Variants in EXOC6B observed in about 807,000 individuals in gnomAD.
EXOC6B encodes SEC15 homolog B.
In EXOC6B, 54 loss-of-function variants were observed where a neutral mutation model predicts 113.5. The ratio of observed to expected loss-of-function variants is 0.48; its 90% confidence interval spans 0.38 to 0.60. EXOC6B has a LOEUF of 0.60. Ranked by LOEUF, EXOC6B falls within the 20% of genes least tolerant of loss-of-function variation. EXOC6B has a pLI of 0.00. For missense variants in EXOC6B, 797 were observed against 977.5 expected, an observed-to-expected ratio of 0.82 and a Z score of 2.46; for synonymous variants, 357 against 339.0, an observed-to-expected ratio of 1.05 and a Z score of -0.58.
chr2:72,182,538 G>A (rs1231076490), intron 21 of EXOC6B, among the ~76,000 whole-genome samples: 1 of 152,118 alleles, frequency 6.6e-6, no homozygotes, highest in African/African-American at 2.4e-5. Context: ...CCAAGAGGTA[G>A]GGGAGGCTGC....
At chr2:72,638,046 C>T (rs2104321214) in intron 6 of EXOC6B, among the ~76,000 whole-genome samples, 1 of 151,766 alleles carries the variant, frequency 6.6e-6, no homozygotes, top group South Asian at 2.1e-4. Context: ...ACAAAGAAAA[C>T]AATACAAACA....
intron 20 of EXOC6B, among the ~76,000 whole-genome samples, chr2:72,199,745 G>A (rs542882834): frequency 1.3e-5 from 2 of 152,188 alleles, no homozygotes; most frequent in East Asian, 1.9e-4. Context: ...ATTTTTGCCC[G>A]AATTCTGCCT....
At chr2:72,758,664 G>A (rs1682585064) in intron 1 of EXOC6B, among the ~76,000 whole-genome samples, 1 of 152,152 alleles carries the variant, frequency 6.6e-6, no homozygotes, top group African/African-American at 2.4e-5. Context: ...CCTCAGAGAT[G>A]ATCCAGCCCA....
intron 1 of EXOC6B, among the ~76,000 whole-genome samples, chr2:72,764,274 G>C (rs1051589343): frequency 7.4e-5 from 11 of 147,914 alleles, no homozygotes; most frequent in African/African-American, 2.7e-4. Context: ...AAATAATATA[G>C]TTATGCTTTT....
chr2:72,582,296 G>C (rs1371976940), intron 6 of EXOC6B, among the ~76,000 whole-genome samples: 2 of 152,028 alleles, frequency 1.3e-5, no homozygotes, highest in Non-Finnish European at 2.9e-5. Flanking sequence ...CTGACTGCTT[G>C]AGCTCAGGAG....
At chr2:72,186,907 C>T (rs370667168) in intron 20 of EXOC6B, among the ~76,000 whole-genome samples, 2 of 152,200 alleles carry the variant, frequency 1.3e-5, no homozygotes, top group African/African-American at 2.4e-5. Context: ...CCAGTGGCAC[C>T]TTTGCCTGAG....
At chr2:72,492,662 CTGT>C (rs1699810523) in intron 15 of EXOC6B, among the ~76,000 whole-genome samples, 1 of 84,874 alleles carries the variant, frequency 1.2e-5, no homozygotes, top group East Asian at 4.4e-3. Flanking sequence ...AGAATTCTGG[CTGT>C]TTTTTTTTCT....
intron 1 of EXOC6B, among the ~76,000 whole-genome samples, chr2:72,814,473 T>G (rs1212985490): frequency 2.0e-5 from 3 of 152,204 alleles, no homozygotes; most frequent in African/African-American, 7.2e-5. Context: ...GAATGACAAG[T>G]AGGTGTTTTA....
intron 6 of EXOC6B, among the ~76,000 whole-genome samples, chr2:72,655,214 A>G (rs977153141): frequency 6.6e-6 from 1 of 152,176 alleles, no homozygotes; most frequent in African/African-American, 2.4e-5. Flanking sequence ...AAAACTCCCT[A>G]TGATTACTTA....
intron 6 of EXOC6B, among the ~76,000 whole-genome samples, chr2:72,657,668 T>C (rs1484426926): frequency 7.5e-6 from 1 of 133,758 alleles, no homozygotes; most frequent in South Asian, 2.6e-4. Context: ...GTCTTGGAAC[T>C]GGAGGTAGTA....
At chr2:72,298,222 G>T (rs1686268403) in intron 20 of EXOC6B, among the ~76,000 whole-genome samples, 1 of 152,090 alleles carries the variant, frequency 6.6e-6, no homozygotes, top group South Asian at 2.1e-4. Flanking sequence ...TTGTTGCATT[G>T]ATCCTTTACC....
At chr2:72,287,439 A>T (rs1361602487) in intron 20 of EXOC6B, among the ~76,000 whole-genome samples, 7 of 149,604 alleles carry the variant, frequency 4.7e-5, no homozygotes, top group African/African-American at 1.2e-4. Flanking sequence ...TCAAAAAAAA[A>T]AAAATAAAAA....
rs150752858 is a variant in EXOC6B at position 72,359,883 on chromosome 2, G to C, written c.2122+19846C>G. Among the ~76,000 whole-genome samples the C allele has an allele frequency of 1.6e-3, 248 of 152,156 alleles. 1 individual carries two copies. The highest frequency in any genetic ancestry group is 5.7e-3 in the African/African-American group (235 of 41,506). ...ACAGTAATGAGTTCATGTGAGAGCTGGTTGTTTAAAAGACTGTGGCTCCTC... is the reference window on the plus strand; with the variant it reads ...ACAGTAATGAGTTCATGTGAGAGCTCGTTGTTTAAAAGACTGTGGCTCCTC... On this transcript the variant is annotated intron_variant, in intron 19 of 21. Coordinates refer to ENST00000272427, the MANE Select transcript of EXOC6B (RefSeq NM_015189.3).
Position 72,650,620 on chromosome 2 carries a change from AAAGAAAAGAAAAG to A in EXOC6B, c.669+67470_669+67482del, listed in dbSNP as rs1029204138. 6.6e-5 allele frequency among the ~76,000 whole-genome samples: 10 copies of A among 152,070 alleles called. No individual in the cohort carries two copies. The East Asian group carries it at 9.7e-4, about 15-fold the overall frequency. ...AAGAAAGGAAAAGAAAAGAAAAAAAAAAGAAAAGAAAAGAGAAAAGAAAAAAGAAAAGAAAAGA... is the reference window on the plus strand; with the variant it reads ...AAGAAAGGAAAAGAAAAGAAAAAAAAAGAAAAGAAAAAAGAAAAGAAAAGA... On this transcript the variant is annotated intron_variant, in intron 6 of 21. Coordinates refer to ENST00000272427, the MANE Select transcript of EXOC6B (RefSeq NM_015189.3).
At chr2:72,723,795 A>G (rs890237676) in intron 5 of EXOC6B, among the ~76,000 whole-genome samples, 3 of 152,100 alleles carry the variant, frequency 2.0e-5, no homozygotes, top group Non-Finnish European at 4.4e-5. Context: ...AGGAACAGAC[A>G]TGATCTCTCA....
At chr2:72,512,422 AGG>A (rs1700985603) in intron 11 of EXOC6B, among the ~76,000 whole-genome samples, 3 of 127,418 alleles carry the variant, frequency 2.4e-5, no homozygotes, top group African/African-American at 2.9e-5. Context: ...GAAGGAAGGA[AGG>A]AAAGAAGGAA....
rs755356117 is a variant in EXOC6B, at chr2:72,825,758, G to T, written c.113+40C>A. On this transcript the variant is annotated intron_variant, in intron 1 of 21. Coordinates refer to ENST00000272427, the MANE Select transcript of EXOC6B (RefSeq NM_015189.3). The surrounding 1 kb of genome is among the most constrained non-coding windows in gnomAD (Gnocchi z 4.4). ...GACCCAGAGGAGCCTGCCCCGTCCC[G>T]CCCGTTCCCGCCCCTCTGTGGTCCC... 3.1e-6 allele frequency: 3 copies of T among 976,816 alleles called. No homozygotes were observed. The highest frequency in any genetic ancestry group is 1.3e-5 in the South Asian group (1 of 77,640). 60.5% of individuals were successfully genotyped at this position (976,816 alleles called of 1,614,324 possible).
rs1451060713 is a variant in EXOC6B at position 72,499,976 on chromosome 2, A to G, written c.1168-4T>C. On this transcript the variant is annotated splice_region_variant and splice_polypyrimidine_tract_variant and intron_variant, in intron 11 of 21. Coordinates refer to ENST00000272427, the MANE Select transcript of EXOC6B (RefSeq NM_015189.3). ...GGTTTGGATCAGAACAGTAAGACTA[A>G]AGTAAATAAAAGACAAAGGAGGAAA... The G allele has an allele frequency of 5.2e-6, 8 of 1,525,478 alleles. No homozygotes were observed. Among genetic ancestry groups the G allele is most frequent in the Non-Finnish European group, 6.2e-6 (7 of 1,124,966 alleles). 94.5% of individuals were successfully genotyped at this position (1,525,478 alleles called of 1,614,324 possible).
At chr2:72,681,858 TA>T in intron 6 of EXOC6B, among the ~76,000 whole-genome samples, 1 of 152,258 alleles carries the variant, frequency 6.6e-6, no homozygotes, top group South Asian at 2.1e-4. Flanking sequence ...CTTGATTTAT[TA>T]AAAACAATAT....
Sources: allele counts gnomAD v4.1 joint callset (sites outside exome capture counted in the v4.1 genomes callset), GRCh38; gene constraint gnomAD v4.1.1; non-coding constraint Gnocchi (gnomAD v3.1); transcripts MANE v1.5; gene names NCBI Gene and HGNC (gene_info 2026-07-23, HGNC 2026-07-21).